UBTD1: variants seen among roughly 807,000 people sequenced by gnomAD.
The protein encoded by UBTD1 is ubiquitin domain-containing protein 1.
In UBTD1, 19 loss-of-function variants were observed where a neutral mutation model predicts 21.7. The observed-to-expected ratio is 0.87, with a 90% CI of 0.61 to 1.28. UBTD1 has a LOEUF of 1.28. UBTD1 is among the 50% of genes most tolerant of loss of function. UBTD1 has a pLI of 0.00. For missense variants in UBTD1, 282 were observed against 315.1 expected (o/e 0.89, Z 0.80); for synonymous variants, 116 against 135.1 (o/e 0.86, Z 0.98).
At chr10:97,499,612 G>A (rs1269764388) in intron 1 of UBTD1, among the ~76,000 whole-genome samples, 1 of 152,166 alleles carries the variant, frequency 6.6e-6, no homozygotes, top group Non-Finnish European at 1.5e-5. Flanking sequence ...GCTCCGGCCG[G>A]GGTCGGACGC....
intron 1 of UBTD1, among the ~76,000 whole-genome samples, chr10:97,528,626 A>C (rs2040506017): frequency 2.7e-5 from 2 of 75,218 alleles, no homozygotes; most frequent in Admixed American, 1.2e-4. Context: ...CGGGGGGCTG[A>C]ACCCCCACCT....
At chr10:97,542,744 G>C (rs188173852) in intron 1 of UBTD1, among the ~76,000 whole-genome samples, 53 of 152,352 alleles carry the variant, frequency 3.5e-4, no homozygotes, top group Non-Finnish European at 7.2e-4. Flanking sequence ...GGGCAGGGCA[G>C]CTGGGTTTCC....
chr10:97,526,501 CCT>C (rs1209339000), intron 1 of UBTD1, among the ~76,000 whole-genome samples: 3 of 152,156 alleles, frequency 2.0e-5, no homozygotes, highest in African/African-American at 4.8e-5. Context: ...AGTCCAGGCC[CCT>C]GTTTTTTCGC....
chr10:97,552,254 A>T (rs547689621), intron 1 of UBTD1, among the ~76,000 whole-genome samples: 35 of 152,054 alleles, frequency 2.3e-4, no homozygotes, highest in Non-Finnish European at 4.9e-4. Flanking sequence ...CATGCCTATA[A>T]TCACAGCTCC....
chr10:97,532,169 T>G (rs73330771), intron 1 of UBTD1, among the ~76,000 whole-genome samples: 2,716 of 152,212 alleles, frequency 0.018, 86 homozygotes, highest in African/African-American at 0.062. Context: ...AGGGAGCACC[T>G]TGGGTCAAGG....
chr10:97,531,763 C>T (rs2040533371), intron 1 of UBTD1, among the ~76,000 whole-genome samples: 1 of 152,146 alleles, frequency 6.6e-6, no homozygotes, highest in Admixed American at 6.5e-5. Context: ...TGTCTCGTGC[C>T]CTTGGAAACT....
intron 1 of UBTD1, among the ~76,000 whole-genome samples, chr10:97,529,468 G>A (rs2040516523): frequency 6.6e-6 from 1 of 152,232 alleles, no homozygotes; most frequent in Non-Finnish European, 1.5e-5. Flanking sequence ...CTCCAGCCTG[G>A]GCACCATTGA....
chr10:97,533,076 A>G (rs1294244245), intron 1 of UBTD1, among the ~76,000 whole-genome samples: 3 of 152,174 alleles, frequency 2.0e-5, no homozygotes, highest in South Asian at 4.1e-4. Flanking sequence ...TCCCTGGGTC[A>G]CCACGGCGAC....
At chr10:97,567,794 A>T in intron 1 of UBTD1, 120 bp from the exon 2 acceptor site, 2 of 917,176 alleles carry the variant, frequency 2.2e-6, no homozygotes, top group Non-Finnish European at 3.3e-6. Context: ...AGACCTGAAT[A>T]CTTAGTAGCC....
chr10:97,547,813 C>G (rs2040618293), intron 1 of UBTD1, among the ~76,000 whole-genome samples: 1 of 152,184 alleles, frequency 6.6e-6, no homozygotes, highest in Non-Finnish European at 1.5e-5. Context: ...GATCCACCTG[C>G]CTTGGCCTCC....
chr10:97,542,022 C>A (rs1385115877), intron 1 of UBTD1, among the ~76,000 whole-genome samples: 1 of 152,198 alleles, frequency 6.6e-6, no homozygotes, highest in Non-Finnish European at 1.5e-5. Context: ...AGGCATGATC[C>A]ACCACGCCCG....
chr10:97,558,835 A>G (rs963989512), intron 1 of UBTD1, among the ~76,000 whole-genome samples: 1 of 152,166 alleles, frequency 6.6e-6, no homozygotes, highest in African/African-American at 2.4e-5. Flanking sequence ...GTGAGAGTTG[A>G]AAGACCTATA....
intron 1 of UBTD1, among the ~76,000 whole-genome samples, chr10:97,531,843 A>T (rs1167855981): frequency 6.6e-6 from 1 of 152,174 alleles, no homozygotes; most frequent in East Asian, 1.9e-4. Context: ...AGGGCGGAGC[A>T]TGAGGAATGT....
intron 1 of UBTD1, among the ~76,000 whole-genome samples, chr10:97,544,259 C>T (rs561432234): frequency 6.7e-6 from 1 of 149,908 alleles, no homozygotes; most frequent in South Asian, 2.1e-4. Context: ...CGCCATTGCA[C>T]TTCAACCTGG....
intron 1 of UBTD1, among the ~76,000 whole-genome samples, chr10:97,520,476 A>G (rs4919105): frequency 0.51 from 77,547 of 152,038 alleles, 19,965 homozygotes; most frequent in South Asian, 0.66. Context: ...ACAGAATAAC[A>G]GGGAAACACA....
intron 1 of UBTD1, among the ~76,000 whole-genome samples, chr10:97,515,808 T>C (rs2040441887): frequency 6.6e-6 from 1 of 152,136 alleles, no homozygotes; most frequent in Non-Finnish European, 1.5e-5. Flanking sequence ...GTCACATCTC[T>C]ACCCTCAGTC....
At chr10:97,522,445 T>C (rs1389313060) in intron 1 of UBTD1, among the ~76,000 whole-genome samples, 2 of 152,238 alleles carry the variant, frequency 1.3e-5, no homozygotes, top group African/African-American at 4.8e-5. Context: ...CCTGAGAAGT[T>C]TGTTTCCTTT....
intron 1 of UBTD1, among the ~76,000 whole-genome samples, chr10:97,526,677 C>T (rs2040489911): frequency 6.6e-6 from 1 of 151,906 alleles, no homozygotes; most frequent in African/African-American, 2.4e-5. Flanking sequence ...ATGGTGAAAC[C>T]CCATCTCTAC....
At chr10:97,514,050 G>A (rs1311797201) in intron 1 of UBTD1, among the ~76,000 whole-genome samples, 1 of 148,850 alleles carries the variant, frequency 6.7e-6, no homozygotes, top group Non-Finnish European at 1.5e-5. Flanking sequence ...GATCAAATCT[G>A]TTGTGTCCAC....
Sources: allele counts gnomAD v4.1 joint callset (sites outside exome capture counted in the v4.1 genomes callset), GRCh38; gene constraint gnomAD v4.1.1; transcripts MANE v1.5; gene names NCBI Gene and HGNC (gene_info 2026-07-23, HGNC 2026-07-21).